Variants in ATP11B observed in about 807,000 individuals in gnomAD.
ATP11B encodes phospholipid-transporting ATPase IF.
Under a neutral mutation model 157.8 loss-of-function variants are expected in ATP11B, and 81 were observed. That is an observed-to-expected ratio of 0.51 (90% CI 0.43 to 0.62). ATP11B has a LOEUF of 0.62. ATP11B is among the 20% of genes least tolerant of loss of function. The pLI is 0.00. For missense variants in ATP11B, 1,165 were observed against 1,402.2 expected (o/e 0.83, Z 2.70); for synonymous variants, 451 against 469.4 (o/e 0.96, Z 0.51).
At chr3:182,844,062 C>G (rs1719273143) in intron 8 of ATP11B, 1 of 152,168 alleles carries the variant, frequency 6.6e-6, no homozygotes, top group Admixed American at 6.5e-5. Context: ...AGTTATATTA[C>G]TTCAGCCCCT....
At chr3:182,885,030 T>G (rs1391111561) in intron 22 of ATP11B, 132 bp downstream of exon 22, 14 of 603,958 alleles carry the variant, frequency 2.3e-5, no homozygotes, top group Non-Finnish European at 3.3e-5. Flanking sequence ...TTGTCATAAA[T>G]CTATTCTATA....
At position 182,879,557 on chromosome 3, in the gene ATP11B, G is replaced by T. The variant is rs771014712; in HGVS notation, c.2314G>T (p.Ala772Ser). ...LVVDGTSLSL[A>S]LREHEKLFME... ...AGTGGATGGGACCAGCCTATCTCTT[G>T]CACTCAGGGAGCATGAAAAACTATT... is the stretch of plus-strand genomic sequence containing the variant. The change falls in exon 20 of 30, where the codon GCA becomes TCA. Residue 772 changes from alanine to serine, a missense_variant. By Grantham distance (99) the Ala-to-Ser change is moderately conservative. Transcript: ENST00000323116. 6.2e-7 allele frequency: 1 copy of T among 1,614,042 alleles called. No individual in the cohort carries two copies. Among genetic ancestry groups the T allele is most frequent in the South Asian group, 1.1e-5 (1 of 91,060 alleles).
At chr3:182,874,940 C>G (rs577913633) in intron 19 of ATP11B, among the ~76,000 whole-genome samples, 1 of 151,948 alleles carries the variant, frequency 6.6e-6, no homozygotes, top group African/African-American at 2.4e-5. Flanking sequence ...AATATTTACT[C>G]TCTGGCCCGT....
chr3:182,917,148 T>G (rs1725193808), intron 29 of ATP11B: 1 of 985,240 alleles, frequency 1.0e-6, no homozygotes, highest in Non-Finnish European at 1.2e-6. Flanking sequence ...GGGGCCTTTT[T>G]TAACGCTCAT....
chr3:182,889,046 A>G (rs1242298961), intron 24 of ATP11B, among the ~76,000 whole-genome samples: 1 of 151,988 alleles, frequency 6.6e-6, no homozygotes, highest in Non-Finnish European at 1.5e-5. Context: ...TATTTTTAGT[A>G]GAGACAGGAT....
intron 1 of ATP11B, among the ~76,000 whole-genome samples, chr3:182,814,475 A>T (rs1716853719): frequency 6.6e-6 from 1 of 152,182 alleles, no homozygotes; most frequent in African/African-American, 2.4e-5. Context: ...TAAAGAATTA[A>T]TTTGTGTCAG....
At chr3:182,868,679 T>C (rs2108545443) in intron 15 of ATP11B, among the ~76,000 whole-genome samples, 1 of 152,302 alleles carries the variant, frequency 6.6e-6, no homozygotes, top group Middle Eastern at 3.4e-3. Context: ...ATCAGTTACC[T>C]TTTTTAGTCA....
chr3:182,828,592 T>G (rs1183199789), intron 3 of ATP11B, among the ~76,000 whole-genome samples: 9 of 152,020 alleles, frequency 5.9e-5, no homozygotes, highest in Non-Finnish European at 1.3e-4. Flanking sequence ...AAAGTAAACT[T>G]TTCTTTGGCT....
chr3:182,793,539 A>G lies in ATP11B; in HGVS notation c.-221A>G, dbSNP rs1009773657. Reference sequence around the variant, plus strand: ...GTGGCTGCGGCGCGGCGGCAGGCTCAGCTGCGCCGGGCGGGGGCGGCGCCG... The same window carrying G: ...GTGGCTGCGGCGCGGCGGCAGGCTCGGCTGCGCCGGGCGGGGGCGGCGCCG... On this transcript the variant is annotated 5_prime_UTR_variant, in exon 1 of 30. Coordinates refer to ENST00000323116, the MANE Select transcript of ATP11B (RefSeq NM_014616.3). 1.4e-5 allele frequency: 5 copies of G among 355,488 alleles called. No homozygotes were observed. The highest frequency in any genetic ancestry group is 6.5e-5 in the African/African-American group (3 of 46,284). 22.0% of individuals were successfully genotyped at this position (355,488 alleles called of 1,614,324 possible). A position where few individuals can be genotyped will look rare whatever the true frequency, so the allele number is the denominator to read the frequency against.
intron 28 of ATP11B, among the ~76,000 whole-genome samples, chr3:182,910,526 G>A (rs1161731394): frequency 1.3e-5 from 2 of 152,256 alleles, no homozygotes; most frequent in South Asian, 2.1e-4. Flanking sequence ...AGCTAGGATC[G>A]ATTGTGCCAC....
In ATP11B at chr3:182,799,401, G is replaced by A. The variant is rs187536712; in HGVS notation, c.27+5615G>A. 6.7e-3 allele frequency among the ~76,000 whole-genome samples: 1,016 copies of A among 151,716 alleles called. 11 individuals are homozygous for A. The highest frequency in any genetic ancestry group is 0.023 in the African/African-American group (964 of 41,348). On this transcript the variant is annotated intron_variant, in intron 1 of 29. Transcript: ENST00000323116. ...CCACCATTCTCCTGCCTCAGCCTCC[G>A]GAGTAGCTGGGACTACAGGCGCCCA...
chr3:182,883,954 C>CAAAAAA (rs1170838231), intron 21 of ATP11B, among the ~76,000 whole-genome samples: 5 of 63,390 alleles, frequency 7.9e-5, no homozygotes, highest in African/African-American at 1.8e-4. Flanking sequence ...GACTCCGTCT[C>CAAAAAA]AAAAAAAAAA....
Position 182,821,934 on chromosome 3 carries a change from G to A in ATP11B, c.144+1558G>A, listed in dbSNP as rs183402852. 1.5e-3 allele frequency among the ~76,000 whole-genome samples: 233 copies of A among 152,248 alleles called. 2 individuals carry two copies. The highest frequency in any genetic ancestry group is 5.5e-3 in the African/African-American group (228 of 41,556). ...TAACCTCGTCTTTCCCAAGGATGTT[G>A]TCTTAGGTCAGCAGTTCTTTGCCCT... On this transcript the variant is annotated intron_variant, in intron 2 of 29. Coordinates refer to ENST00000323116, the MANE Select transcript of ATP11B (RefSeq NM_014616.3).
At chr3:182,890,417 T>G (rs1284160384) in intron 25 of ATP11B, among the ~76,000 whole-genome samples, 3 of 151,274 alleles carry the variant, frequency 2.0e-5, no homozygotes, top group Middle Eastern at 3.2e-3. Flanking sequence ...GAAGGCCAGC[T>G]ATTCCCAAGT....
Position 182,793,691 on chromosome 3 carries a change from C to G in ATP11B, c.-69C>G, listed in dbSNP as rs1476827078. On this transcript the variant is annotated 5_prime_UTR_variant, in exon 1 of 30. Transcript: ENST00000323116. Reference sequence around the variant, plus strand: ...GGGGCTCGCCCGCTCCCGCCTCTGTCTTGTCGGCCTCCACCTGCAGCCCCG... The same window carrying G: ...GGGGCTCGCCCGCTCCCGCCTCTGTGTTGTCGGCCTCCACCTGCAGCCCCG... The G allele has an allele frequency of 8.7e-7, 1 of 1,154,930 alleles. No individual in the cohort carries two copies. Among genetic ancestry groups the G allele is most frequent in the Non-Finnish European group, 1.2e-6 (1 of 849,064 alleles). The allele number at this position is 1,154,930 out of a possible 1,614,324, so 71.5% of individuals were successfully genotyped here.
chr3:182,898,090 G>A (rs1424117153), intron 27 of ATP11B, among the ~76,000 whole-genome samples: 4 of 152,052 alleles, frequency 2.6e-5, no homozygotes, highest in Non-Finnish European at 5.9e-5. Context: ...ATCATAAAAG[G>A]ATACTCTTAT....
intron 29 of ATP11B, 140 bp downstream of exon 29, chr3:182,914,134 T>C (rs1724989271): frequency 6.8e-7 from 1 of 1,478,072 alleles, no homozygotes; most frequent in African/African-American, 1.4e-5. Flanking sequence ...ATTAGCACTC[T>C]TTGGTGGTAG....
chr3:182,810,373 C>T (rs527258678), intron 1 of ATP11B, among the ~76,000 whole-genome samples: 11 of 152,068 alleles, frequency 7.2e-5, no homozygotes, highest in Non-Finnish European at 1.3e-4. Flanking sequence ...TTAGTGTGAT[C>T]CAGTGATGCT....
At chr3:182,811,950 G>A (rs1449057950) in intron 1 of ATP11B, among the ~76,000 whole-genome samples, 1 of 152,018 alleles carries the variant, frequency 6.6e-6, no homozygotes, top group African/African-American at 2.4e-5. Context: ...ATGGTTTCTT[G>A]GTTCAGACAT....
Sources: allele counts gnomAD v4.1 joint callset (sites outside exome capture counted in the v4.1 genomes callset), GRCh38; gene constraint gnomAD v4.1.1; transcripts MANE v1.5; gene names NCBI Gene and HGNC (gene_info 2026-07-23, HGNC 2026-07-21).